The following SGCG variants were observed in gnomAD, a reference collection of about 807,000 sequenced individuals.
SGCG encodes the protein gamma-sarcoglycan.
Under a neutral mutation model 29.3 loss-of-function variants are expected in SGCG, and 26 were observed. The ratio of observed to expected loss-of-function variants is 0.89; its 90% CI spans 0.65 to 1.23. The LOEUF (loss-of-function observed/expected upper bound fraction) is 1.23, where lower values mean the gene tolerates loss of function less well. Among genes scored for constraint, SGCG ranks in the 50% most tolerant of loss-of-function variants. The pLI is 0.00. For missense variants in SGCG, 353 were observed against 356.0 expected, an observed-to-expected ratio of 0.99 and a Z score of 0.07; for synonymous variants, 145 against 129.7, an observed-to-expected ratio of 1.12 and a Z score of -0.80.
At chr13:23,291,635 G>A (rs953571280) in intron 5 of SGCG, among the ~76,000 whole-genome samples, 1 of 152,096 alleles carries the variant, frequency 6.6e-6, no homozygotes, top group African/African-American at 2.4e-5. Flanking sequence ...ATACATATCA[G>A]TTTATAGATT....
At chr13:23,179,749 T>G (rs1397651309), upstream of SGCG, among the ~76,000 whole-genome samples, 2 of 152,130 alleles carry the variant, frequency 1.3e-5, no homozygotes, top group African/African-American at 2.4e-5. Context: ...GCTGGTATGA[T>G]AGAAGTATCA....
intron 4 of SGCG, among the ~76,000 whole-genome samples, chr13:23,261,301 A>T (rs1421885168): frequency 6.6e-6 from 1 of 151,948 alleles, no homozygotes; most frequent in Admixed American, 6.6e-5. Flanking sequence ...GAGATAGATC[A>T]AAAAACAAAA....
rs1800351 is a variant in SGCG at position 23,250,644 on chromosome 13, T to G, written c.312T>G (p.Leu104=). The change falls in exon 4 of 8, where the codon CTT becomes CTG. Residue 104 remains leucine (L), a synonymous_variant. Transcript: ENST00000218867. ...TCTCTTTCTAGGACTCATCTCTGCT[T>G]CTACAATCAACCCAGAATGTGACTG... ...EIHSRVDSSL[L]LQSTQNVTVN... is the part of the protein sequence containing the mutation. The G allele has an allele frequency of 0.4, 640,107 of 1,602,866 alleles. 134,611 individuals are homozygous for G. The highest frequency in any genetic ancestry group is 0.7 in the East Asian group (31,322 of 44,818).
chr13:23,263,588 C>T (rs1485635265), intron 4 of SGCG, among the ~76,000 whole-genome samples: 1 of 151,780 alleles, frequency 6.6e-6, no homozygotes, highest in African/African-American at 2.4e-5. Context: ...ATTATACGAA[C>T]CCAGTATTAC....
At chr13:23,243,991 C>A (rs1879605676) in intron 3 of SGCG, 1 of 151,946 alleles carries the variant, frequency 6.6e-6, no homozygotes, top group South Asian at 2.1e-4. Flanking sequence ...TTCTGACATC[C>A]TAGATAGAGC....
chr13:23,292,829 A>G (rs781159806), intron 5 of SGCG, among the ~76,000 whole-genome samples: 39 of 152,236 alleles, frequency 2.6e-4, no homozygotes, highest in Admixed American at 3.3e-4. Context: ...ACAATGTTAC[A>G]TAAACCACAG....
At chr13:23,182,761 G>T (rs934799785) in intron 1 of SGCG, among the ~76,000 whole-genome samples, 4 of 152,180 alleles carry the variant, frequency 2.6e-5, no homozygotes, top group Non-Finnish European at 5.9e-5. Flanking sequence ...ATGACTGGTG[G>T]GTAGGACCAC....
At chr13:23,276,476 A>G (rs1417011041) in intron 4 of SGCG, among the ~76,000 whole-genome samples, 1 of 118,768 alleles carries the variant, frequency 8.4e-6, no homozygotes, top group African/African-American at 3.1e-5. Flanking sequence ...TCTGTTGCCC[A>G]AGCTGGAGTG....
chr13:23,295,580 G>A, intron 6 of SGCG, 93 bp downstream of exon 6: 1 of 873,240 alleles, frequency 1.1e-6, no homozygotes. Context: ...CTTCCTGACT[G>A]TTTCTTATTT....
intron 4 of SGCG, among the ~76,000 whole-genome samples, chr13:23,263,669 G>A (rs1880531386): frequency 6.6e-6 from 1 of 152,008 alleles, no homozygotes; most frequent in African/African-American, 2.4e-5. Flanking sequence ...AAAGAATATA[G>A]ATGCAAAAAT....
chr13:23,297,471 A>T (rs1881951726), intron 6 of SGCG, among the ~76,000 whole-genome samples: 1 of 152,140 alleles, frequency 6.6e-6, no homozygotes, highest in Non-Finnish European at 1.5e-5. Context: ...TAGATTAACA[A>T]AAAGTATTCC....
At chr13:23,172,480 A>G in the SGCG span, among the ~76,000 whole-genome samples, 1 of 152,190 alleles carries the variant, frequency 6.6e-6, no homozygotes, top group Non-Finnish European at 1.5e-5. Flanking sequence ...TTGGAGAATC[A>G]ACTACCACTA....
chr13:23,304,061 ATTGT>A (rs778851746), intron 6 of SGCG, among the ~76,000 whole-genome samples: 117 of 152,134 alleles, frequency 7.7e-4, no homozygotes, highest in Non-Finnish European at 1.3e-3. Context: ...CTTTCTGTGA[ATTGT>A]TTGTCTTTTT....
intron 2 of SGCG, among the ~76,000 whole-genome samples, chr13:23,221,286 A>G (rs939144083): frequency 6.6e-6 from 1 of 152,216 alleles, no homozygotes; most frequent in Non-Finnish European, 1.5e-5. Flanking sequence ...TATGTTACCT[A>G]GGAATTGTTG....
intron 3 of SGCG, among the ~76,000 whole-genome samples, chr13:23,239,848 A>T (rs1458742634): frequency 6.6e-6 from 1 of 152,186 alleles, no homozygotes; most frequent in East Asian, 1.9e-4. Flanking sequence ...AACTAAGGAG[A>T]TAAAAATGAA....
At chr13:23,253,190 T>C (rs1461499506) in intron 4 of SGCG, among the ~76,000 whole-genome samples, 2 of 152,190 alleles carry the variant, frequency 1.3e-5, no homozygotes, top group Non-Finnish European at 1.5e-5. Context: ...AGGGCTTCAG[T>C]GAGCTATGAT....
intron 3 of SGCG, chr13:23,246,491 G>A (rs1879714920): frequency 6.6e-6 from 1 of 152,284 alleles, no homozygotes; most frequent in African/African-American, 2.4e-5. Flanking sequence ...TTTCAGGGTT[G>A]CATTTCTTGC....
At chr13:23,253,390 T>C (rs144988318) in intron 4 of SGCG, among the ~76,000 whole-genome samples, 3 of 152,364 alleles carry the variant, frequency 2.0e-5, no homozygotes, top group African/African-American at 7.2e-5. Context: ...GGAAAGTCTC[T>C]GTTATATTGA....
intron 5 of SGCG, among the ~76,000 whole-genome samples, chr13:23,290,290 G>A (rs904014440): frequency 6.6e-6 from 1 of 152,196 alleles, no homozygotes; most frequent in African/African-American, 2.4e-5. Flanking sequence ...GCTCAGAGCA[G>A]AAGTCTAGAC....
Sources: allele counts gnomAD v4.1 joint callset (sites outside exome capture counted in the v4.1 genomes callset), GRCh38; gene constraint gnomAD v4.1.1; transcripts MANE v1.5; gene names NCBI Gene and HGNC (gene_info 2026-07-23, HGNC 2026-07-21).